FAM81A: variants seen among roughly 807,000 people sequenced by gnomAD.
The protein encoded by FAM81A is protein FAM81A.
In FAM81A, 19 loss-of-function variants were observed where a neutral mutation model predicts 46.7. That is an observed-to-expected ratio of 0.41 (90% CI 0.28 to 0.60). FAM81A has a LOEUF of 0.60. Ranked by LOEUF, FAM81A falls within the 20% of genes least tolerant of loss-of-function variation. The pLI, the probability that FAM81A is intolerant of heterozygous loss-of-function variation, is 0.34. For missense variants in FAM81A, 377 were observed against 453.5 expected, an observed-to-expected ratio of 0.83 and a Z score of 1.53; for synonymous variants, 183 against 152.9, an observed-to-expected ratio of 1.20 and a Z score of -1.45.
chr15:59,430,201 C>T (rs1222649397), intron 2 of FAM81A, among the ~76,000 whole-genome samples: 1 of 149,128 alleles, frequency 6.7e-6, no homozygotes, highest in Non-Finnish European at 1.5e-5. Flanking sequence ...GAGGATAGGA[C>T]AGTGATGTCA....
At chr15:59,447,359 C>T (rs1175649659) in intron 1 of FAM81A, among the ~76,000 whole-genome samples, 1 of 152,182 alleles carries the variant, frequency 6.6e-6, no homozygotes, top group East Asian at 1.9e-4. Context: ...CCAGCTTTCC[C>T]CAGATCGGCC....
chr15:59,507,254 C>T lies in FAM81A; in HGVS notation c.455C>T (p.Thr152Met), dbSNP rs376664003. 111 of 1,611,640 alleles carry T rather than the reference C, an allele frequency of 6.9e-5. No homozygotes were observed. Among genetic ancestry groups the T allele is most frequent in the Admixed American group, 2.2e-4 (13 of 59,646 alleles). Residue 152 changes from threonine to methionine, a missense_variant, in exon 5 of 9, where the codon ACG (threonine) becomes ATG (methionine). By Grantham distance (81) the Thr-to-Met change is moderately conservative. Transcript: ENST00000288228. ...GCTAGACTTTCTGCAGAGCACAAAACGACCTATGAGGGGCTCCAGCACTTG... is the reference window on the plus strand; with the variant it reads ...GCTAGACTTTCTGCAGAGCACAAAATGACCTATGAGGGGCTCCAGCACTTG... ...SIARLSAEHK[T>M]TYEGLQHLNK...
At chr15:59,413,272 C>T (rs2081130139) in intron 2 of FAM81A, among the ~76,000 whole-genome samples, 1 of 152,046 alleles carries the variant, frequency 6.6e-6, no homozygotes, top group South Asian at 2.1e-4. Flanking sequence ...TGGCACCTGG[C>T]CCAGGGCAGT....
chr15:59,433,164 A>G (rs1159444233), intron 2 of FAM81A, among the ~76,000 whole-genome samples: 4 of 65,866 alleles, frequency 6.1e-5, no homozygotes, highest in African/African-American at 2.2e-4. Flanking sequence ...AAAAAAAAAA[A>G]AATCAAAATT....
intron 3 of FAM81A, among the ~76,000 whole-genome samples, chr15:59,461,434 C>T (rs2081550021): frequency 6.6e-6 from 1 of 152,120 alleles, no homozygotes; most frequent in Non-Finnish European, 1.5e-5. Flanking sequence ...TACAGGTGTG[C>T]ACAATCATGC....
chr15:59,408,199 T>C (rs544209354), intron 2 of FAM81A: 2 of 152,936 alleles, frequency 1.3e-5, no homozygotes, highest in East Asian at 3.9e-4. Flanking sequence ...TTTTGTTTGA[T>C]AACTATTCCA....
intron 2 of FAM81A, among the ~76,000 whole-genome samples, chr15:59,425,491 G>GT (rs1410644276): frequency 1.3e-5 from 2 of 151,996 alleles, no homozygotes; most frequent in African/African-American, 4.8e-5. Flanking sequence ...TGCTAAAATA[G>GT]TTTTTTTCTT....
At chr15:59,423,226 C>T (rs1350500300) in intron 2 of FAM81A, among the ~76,000 whole-genome samples, 2 of 152,100 alleles carry the variant, frequency 1.3e-5, no homozygotes, top group African/African-American at 2.4e-5. Flanking sequence ...GCCTCCCTAG[C>T]AGCTTGGGAC....
intron 4 of FAM81A, among the ~76,000 whole-genome samples, chr15:59,493,607 G>A (rs991777826): frequency 1.3e-5 from 2 of 151,614 alleles, no homozygotes; most frequent in Non-Finnish European, 2.9e-5. Context: ...TTTTATTTTT[G>A]AGACAATTCT....
intron 1 of FAM81A, among the ~76,000 whole-genome samples, chr15:59,453,280 T>C (rs8026519): frequency 0.79 from 119,542 of 152,170 alleles, 47,264 homozygotes; most frequent in African/African-American, 0.87. Context: ...TTCTTGGCCA[T>C]GTGATGTTGG....
At chr15:59,489,250 G>A (rs557636890) in intron 3 of FAM81A, among the ~76,000 whole-genome samples, 2 of 151,138 alleles carry the variant, frequency 1.3e-5, no homozygotes, top group South Asian at 2.1e-4. Flanking sequence ...GGACAACAGA[G>A]CGAGACTCCA....
chr15:59,417,152 G>C (rs895380060), intron 2 of FAM81A, among the ~76,000 whole-genome samples: 7 of 152,230 alleles, frequency 4.6e-5, no homozygotes, highest in South Asian at 4.2e-4. Flanking sequence ...GGATGCTATA[G>C]ATAGAAAGTG....
At position 59,460,110 on chromosome 15, in the gene FAM81A, A is replaced by G. The variant is rs907625912; in HGVS notation, c.198A>G (p.Gln66=). 6.2e-7 allele frequency: 1 copy of G among 1,613,920 alleles called. No individual in the cohort carries two copies. Among genetic ancestry groups the G allele is most frequent in the African/African-American group, 1.3e-5 (1 of 74,942 alleles). The change falls in exon 3 of 9, where the codon CAA becomes CAG. Residue 66 remains glutamine, a synonymous_variant. Coordinates refer to ENST00000288228, the MANE Select transcript of FAM81A (RefSeq NM_152450.3). This position sits in a 1 kb window ranked among gnomAD's most constrained non-coding sequence, Gnocchi z 4.4. ...DDIVNSLQKM[Q]NKGGGDRLAR... ...TTGTCAACAGTTTGCAGAAAATGCA[A>G]AACAAAGGGGGAGGTGACCGCTTGG...
intron 4 of FAM81A, among the ~76,000 whole-genome samples, chr15:59,498,304 G>T (rs2082055448): frequency 6.6e-6 from 1 of 151,954 alleles, no homozygotes; most frequent in Admixed American, 6.6e-5. Context: ...TGATGCTATT[G>T]TAAATAGCAA....
intron 4 of FAM81A, among the ~76,000 whole-genome samples, chr15:59,504,229 A>G (rs998550192): frequency 1.3e-5 from 2 of 152,230 alleles, no homozygotes; most frequent in East Asian, 1.9e-4. Flanking sequence ...ATAAAAAATC[A>G]GGGTCTACAT....
intron 3 of FAM81A, among the ~76,000 whole-genome samples, chr15:59,479,237 C>T (rs1012062799): frequency 2.0e-5 from 3 of 152,042 alleles, no homozygotes; most frequent in Non-Finnish European, 2.9e-5. Context: ...GGTGGCCGGG[C>T]GCGGTGGCTC....
At chr15:59,412,573 A>T (rs951441221) in intron 2 of FAM81A, among the ~76,000 whole-genome samples, 19 of 152,092 alleles carry the variant, frequency 1.2e-4, no homozygotes, top group Non-Finnish European at 2.9e-5. Flanking sequence ...AAAAAAATAC[A>T]AAAATTAGCT....
intron 2 of FAM81A, among the ~76,000 whole-genome samples, chr15:59,406,039 G>T (rs1331248187): frequency 6.6e-6 from 1 of 152,148 alleles, no homozygotes; most frequent in African/African-American, 2.4e-5. Context: ...GAAAGAGGTG[G>T]CTGTCAATGT....
rs867248639 is a variant in FAM81A, at chr15:59,423,309, A to G, written c.-78+20951A>G. On this transcript the variant is annotated intron_variant, in intron 2 of 4. Coordinates refer to the FAM81A transcript ENST00000558348. ...GAGACGGGGTTTCACCCTGTTAGCC[A>G]GGATGGTCTCGATCTCCTCACCTCG... Among the ~76,000 whole-genome samples the G allele has an allele frequency of 1.1e-4, 16 of 152,272 alleles. No homozygotes were observed. In the South Asian group the frequency reaches 3.3e-3, roughly 32 times the overall value.
Sources: allele counts gnomAD v4.1 joint callset (sites outside exome capture counted in the v4.1 genomes callset), GRCh38; gene constraint gnomAD v4.1.1; non-coding constraint Gnocchi (gnomAD v3.1); transcripts MANE v1.5; gene names NCBI Gene and HGNC (gene_info 2026-07-23, HGNC 2026-07-21).